GPHN: variants seen among roughly 807,000 people sequenced by gnomAD.
GPHN encodes gephyrin.
A neutral mutation model predicts 95.5 loss-of-function variants in GPHN; 17 were observed. That is an observed-to-expected ratio of 0.18 (90% CI 0.12 to 0.27). The LOEUF (loss-of-function observed/expected upper bound fraction) is 0.27. Ranked by LOEUF, GPHN falls within the 10% of genes least tolerant of loss-of-function variation. The pLI is 1.00. For missense variants in GPHN, 660 were observed against 978.1 expected (o/e 0.67, Z 4.34); for synonymous variants, 320 against 322.5 (o/e 0.99, Z 0.08).
chr14:67,652,313 G>C, the GPHN span: 1 of 153,510 alleles, frequency 6.5e-6, no homozygotes, highest in East Asian at 1.9e-4. Context: ...TATGGACTAG[G>C]AGTCCATACA....
chr14:66,984,850 T>G (rs924273010), intron 9 of GPHN, among the ~76,000 whole-genome samples: 5 of 146,296 alleles, frequency 3.4e-5, no homozygotes, highest in East Asian at 4.0e-4. Flanking sequence ...CACCCTGCCG[T>G]TTTTTTTTTA....
chr14:67,333,456 A>G, the GPHN span: 1 of 152,676 alleles, frequency 6.5e-6, no homozygotes, highest in South Asian at 2.1e-4. Flanking sequence ...CATCAGAGAT[A>G]CTTTCCTAAA....
intron 21 of GPHN, among the ~76,000 whole-genome samples, chr14:67,170,935 C>T (rs900429618): frequency 6.6e-6 from 1 of 152,178 alleles, no homozygotes; most frequent in African/African-American, 2.4e-5. Flanking sequence ...GAATAGATGC[C>T]ACAGTCATTG....
chr14:67,451,886 G>A, the GPHN span, among the ~76,000 whole-genome samples: 2,933 of 152,328 alleles, frequency 0.019, 171 homozygotes, highest in South Asian at 0.12. Flanking sequence ...GTTTGGCTCT[G>A]TGTCTCCACC....
chr14:67,589,845 A>C, the GPHN span: 1 of 1,201,718 alleles, frequency 8.3e-7, no homozygotes, highest in Non-Finnish European at 1.0e-6. Flanking sequence ...CAAAATTCTT[A>C]AGGTCTCCCC....
the GPHN span, chr14:67,674,305 A>T: frequency 1.4e-6 from 2 of 1,379,866 alleles, no homozygotes; most frequent in East Asian, 5.4e-5. Flanking sequence ...TCTGGGAGGA[A>T]GGTGGGAGAA....
Position 66,908,022 on chromosome 14 carries a change from A to T in GPHN, c.390-7981A>T, listed in dbSNP as rs576354281. The stretch of plus-strand genomic sequence containing the variant: ...GGTTACATACAGAAATATTTGTTTT[A>T]TATATATATATATGCACACACAGGT... On this transcript the variant is annotated intron_variant, in intron 5 of 22. Coordinates refer to ENST00000478722, the MANE Select transcript of GPHN (RefSeq NM_020806.5). 7.3e-5 allele frequency among the ~76,000 whole-genome samples: 11 copies of T among 150,576 alleles called. No individual in the cohort carries two copies. In the East Asian group the frequency reaches 1.9e-3, roughly 26 times the overall value.
intron 1 of GPHN, among the ~76,000 whole-genome samples, chr14:66,529,423 C>T (rs368308160): frequency 5.3e-5 from 8 of 152,126 alleles, no homozygotes; most frequent in African/African-American, 1.2e-4. Flanking sequence ...TCCTTCAGCT[C>T]GGAGGAGTTC....
the GPHN span, chr14:67,343,317 G>A: frequency 1.5e-5 from 20 of 1,367,244 alleles, no homozygotes; most frequent in East Asian, 1.2e-4. Flanking sequence ...GCAGTTTCAC[G>A]ACAAGTGGAG....
chr14:67,674,457 G>C, the GPHN span: 4 of 1,608,592 alleles, frequency 2.5e-6, no homozygotes, highest in Non-Finnish European at 3.4e-6. Flanking sequence ...GCAGCTTCTC[G>C]AAATGCTCCG....
intron 2 of GPHN, among the ~76,000 whole-genome samples, chr14:66,718,769 A>G (rs1028058583): frequency 1.5e-4 from 23 of 152,168 alleles, no homozygotes; most frequent in Non-Finnish European, 2.8e-4. Flanking sequence ...AAGTTCTCCA[A>G]GTCCCCACTC....
the GPHN span, chr14:67,332,654 C>T: frequency 3.2e-6 from 3 of 936,062 alleles, no homozygotes; most frequent in Non-Finnish European, 4.7e-6. Context: ...AAAGGAGCTC[C>T]TGAGGTTGGG....
At chr14:66,685,532 T>G (rs1423553816) in intron 2 of GPHN, among the ~76,000 whole-genome samples, 4 of 152,332 alleles carry the variant, frequency 2.6e-5, no homozygotes, top group Admixed American at 1.3e-4. Flanking sequence ...TGTATCTATT[T>G]GCTGCATAAA....
At chr14:66,770,619 A>T (rs1429987934) in intron 2 of GPHN, among the ~76,000 whole-genome samples, 18 of 152,156 alleles carry the variant, frequency 1.2e-4, no homozygotes, top group Admixed American at 1.2e-3. Context: ...TAAAATGTGC[A>T]TGTTTATTGA....
the GPHN span, chr14:67,674,475 G>A: frequency 1.9e-6 from 3 of 1,605,966 alleles, no homozygotes; most frequent in Non-Finnish European, 2.5e-6. Flanking sequence ...CCGAGGAGGC[G>A]GCGGAGGAGG....
the GPHN span, among the ~76,000 whole-genome samples, chr14:67,600,848 G>A: frequency 6.6e-6 from 1 of 152,154 alleles, no homozygotes; most frequent in Non-Finnish European, 1.5e-5. Flanking sequence ...CGAAGTGCTG[G>A]GATTACAGGC....
intron 4 of GPHN, among the ~76,000 whole-genome samples, chr14:66,831,478 T>A (rs999318735): frequency 3.9e-5 from 6 of 152,196 alleles, no homozygotes; most frequent in African/African-American, 1.4e-4. Flanking sequence ...TGGTTATATT[T>A]GATGGCATTT....
At chr14:67,199,706 C>T in the GPHN span, 111 of 1,583,958 alleles carry the variant, frequency 7.0e-5, no homozygotes, top group South Asian at 1.2e-3. Flanking sequence ...AGATGCACCT[C>T]CTTCACCCTC....
At chr14:67,545,272 G>A in the GPHN span, among the ~76,000 whole-genome samples, 1 of 152,122 alleles carries the variant, frequency 6.6e-6, no homozygotes, top group Non-Finnish European at 1.5e-5. Flanking sequence ...GTTATACCCA[G>A]CTACAAAGAA....
Sources: allele counts gnomAD v4.1 joint callset (sites outside exome capture counted in the v4.1 genomes callset), GRCh38; gene constraint gnomAD v4.1.1; transcripts MANE v1.5; gene names NCBI Gene and HGNC (gene_info 2026-07-23, HGNC 2026-07-21).